The following KSR1 variants were observed in gnomAD, a reference collection of about 807,000 sequenced individuals.
KSR1 encodes the protein kinase suppressor of ras 1.
KSR1 carries 35 observed loss-of-function variants against 92.9 expected under a neutral mutation model. The ratio of observed to expected loss-of-function variants is 0.38; its 90% CI spans 0.29 to 0.50. KSR1 has a LOEUF of 0.50. KSR1 is among the 20% of genes least tolerant of loss of function. KSR1 has a pLI of 0.94. For synonymous variants in KSR1, 467 were observed against 472.6 expected, an observed-to-expected ratio of 0.99 and a Z score of 0.15; for missense variants, 972 against 1,158.5, an observed-to-expected ratio of 0.84 and a Z score of 2.34.
intron 2 of KSR1, among the ~76,000 whole-genome samples, chr17:27,572,605 G>A (rs1314397890): frequency 1.3e-5 from 2 of 152,252 alleles, no homozygotes; most frequent in Non-Finnish European, 2.9e-5. Flanking sequence ...GGGCACTGGA[G>A]CCTCTCAGAC....
intron 1 of KSR1, among the ~76,000 whole-genome samples, chr17:27,541,640 G>A (rs752212265): frequency 1.3e-5 from 2 of 152,240 alleles, no homozygotes. Context: ...AGCTTAGGGT[G>A]TGGGTTGCAG....
At position 27,577,433 on chromosome 17, in the gene KSR1, G is replaced by A. The variant is rs2072553166; in HGVS notation, c.373-59G>A. On this transcript the variant is annotated intron_variant, in intron 2 of 20. Coordinates refer to ENST00000644974, the MANE Select transcript of KSR1 (RefSeq NM_001394583.1). The surrounding 1 kb of genome is among the most constrained non-coding windows in gnomAD (Gnocchi z 4.5). ...CAGCAGGAGGCCAGCCTGAGGCTGAGGGGCTCCCGGCCCAGCCGACTGCTC... is the reference window on the plus strand; with the variant it reads ...CAGCAGGAGGCCAGCCTGAGGCTGAAGGGCTCCCGGCCCAGCCGACTGCTC... 2 of 1,117,798 alleles carry A rather than the reference G, an allele frequency of 1.8e-6. No individual in the cohort carries two copies. The highest frequency in any genetic ancestry group is 4.2e-5 in the Admixed American group (2 of 47,316). The allele number at this position is 1,117,798 out of a possible 1,614,324, so 69.2% of individuals were successfully genotyped here. A position where few individuals can be genotyped will look rare whatever the true frequency, so the allele number is the denominator to read the frequency against.
chr17:27,473,275 A>G (rs1024875299), intron 1 of KSR1, among the ~76,000 whole-genome samples: 2 of 152,238 alleles, frequency 1.3e-5, no homozygotes, highest in African/African-American at 4.8e-5. Flanking sequence ...TGTTCAGGGC[A>G]GAAAGAGATA....
chr17:27,494,298 G>A (rs542673182), intron 1 of KSR1, among the ~76,000 whole-genome samples: 227 of 152,118 alleles, frequency 1.5e-3, no homozygotes, highest in Middle Eastern at 3.4e-3. Context: ...CTGGAGAGGC[G>A]GGCAAGCACC....
rs753381354 is a variant in KSR1 at position 27,592,513 on chromosome 17, C to T, written c.1193-7C>T. 3 of 1,613,838 alleles carry T rather than the reference C, an allele frequency of 1.9e-6. No individual in the cohort carries two copies. The South Asian group carries it at 3.3e-5, about 18-fold the overall frequency. On this transcript the variant is annotated splice_region_variant and splice_polypyrimidine_tract_variant and intron_variant, in intron 8 of 20. Coordinates refer to ENST00000644974, the MANE Select transcript of KSR1 (RefSeq NM_001394583.1). Reference sequence around the variant, plus strand: ...CCTGGTGATGGGTTTTCCCTCTTTTCAAACAGTAACTCGGCTTCGGAGGAC... The same window carrying T: ...CCTGGTGATGGGTTTTCCCTCTTTTTAAACAGTAACTCGGCTTCGGAGGAC...
At chr17:27,481,790 T>G (rs1245170190) in intron 1 of KSR1, among the ~76,000 whole-genome samples, 1 of 152,188 alleles carries the variant, frequency 6.6e-6, no homozygotes. Context: ...TACTCCAATA[T>G]GTAGTTTTTC....
At chr17:27,507,903 A>G (rs2069454215) in intron 1 of KSR1, among the ~76,000 whole-genome samples, 2 of 152,118 alleles carry the variant, frequency 1.3e-5, no homozygotes, top group African/African-American at 4.8e-5. Context: ...TGGCTACTAG[A>G]ACATACCAAG....
At chr17:27,511,993 A>G (rs1240307756) in intron 1 of KSR1, among the ~76,000 whole-genome samples, 1 of 152,206 alleles carries the variant, frequency 6.6e-6, no homozygotes, top group Non-Finnish European at 1.5e-5. Flanking sequence ...GCTTTGTGCA[A>G]TTGATAGTAG....
chr17:27,493,770 T>C (rs886704053), intron 1 of KSR1, among the ~76,000 whole-genome samples: 1 of 152,106 alleles, frequency 6.6e-6, no homozygotes, highest in African/African-American at 2.4e-5. Context: ...GAAAAGGAAA[T>C]AATGGGGTCG....
At chr17:27,564,758 A>G (rs946040473) in intron 2 of KSR1, among the ~76,000 whole-genome samples, 1 of 53,410 alleles carries the variant, frequency 1.9e-5, no homozygotes, top group Non-Finnish European at 3.7e-5. Flanking sequence ...CACCTCCCCC[A>G]CCCACAGTAG....
chr17:27,486,133 G>T (rs954506810), intron 1 of KSR1, among the ~76,000 whole-genome samples: 4 of 152,226 alleles, frequency 2.6e-5, no homozygotes, highest in African/African-American at 9.7e-5. Flanking sequence ...AAGCAGGCAT[G>T]GTGGATTTTT....
chr17:27,611,986 T>C (rs1045689549), intron 18 of KSR1, among the ~76,000 whole-genome samples: 4 of 152,138 alleles, frequency 2.6e-5, no homozygotes, highest in African/African-American at 9.7e-5. Flanking sequence ...CTGCTGAAAA[T>C]ACAAATAGTT....
chr17:27,607,986 G>A lies in KSR1; in HGVS notation c.2067G>A (p.Arg689=). Residue 689 remains arginine (R), a synonymous_variant, in exon 15 of 21, where the codon AGG becomes AGA. Transcript: ENST00000644974. ...PKTSLDINKT[R]QIAQEIIKGM... Reference sequence around the variant, plus strand: ...CGTCTCTGGACATCAACAAGACGAGGCAAATCGCTCAGGAGATCATCAAGG... The same window carrying A: ...CGTCTCTGGACATCAACAAGACGAGACAAATCGCTCAGGAGATCATCAAGG... 1.2e-6 allele frequency: 2 copies of A among 1,609,354 alleles called. No individual in the cohort carries two copies. Among genetic ancestry groups the A allele is most frequent in the South Asian group, 1.1e-5 (1 of 89,970 alleles).
intron 9 of KSR1, among the ~76,000 whole-genome samples, chr17:27,594,855 A>G (rs979268496): frequency 6.6e-6 from 1 of 151,958 alleles, no homozygotes; most frequent in Non-Finnish European, 1.5e-5. Context: ...GGAAACCAGC[A>G]TATTGATTGT....
intron 2 of KSR1, among the ~76,000 whole-genome samples, chr17:27,571,753 C>T (rs1598052454): frequency 6.6e-6 from 1 of 152,242 alleles, no homozygotes; most frequent in Non-Finnish European, 1.5e-5. Context: ...TTCCTTCAAC[C>T]CAGCTTTCAC....
At chr17:27,592,673 C>T (rs1307709485) in intron 9 of KSR1, 47 bp downstream of exon 9, 7 of 1,511,366 alleles carry the variant, frequency 4.6e-6, no homozygotes, top group Non-Finnish European at 6.3e-6. Context: ...CACTGGCCTT[C>T]CTTCCTATAA....
At chr17:27,523,091 T>C (rs1452650671) in intron 1 of KSR1, among the ~76,000 whole-genome samples, 1 of 152,178 alleles carries the variant, frequency 6.6e-6, no homozygotes, top group African/African-American at 2.4e-5. Flanking sequence ...AAGTTAGGGA[T>C]ACACATACCC....
chr17:27,489,961 T>C (rs935933654), intron 1 of KSR1, among the ~76,000 whole-genome samples: 1 of 152,212 alleles, frequency 6.6e-6, no homozygotes, highest in African/African-American at 2.4e-5. Context: ...TACAATTGGT[T>C]CAAAGAGGCC....
At chr17:27,578,200 G>A (rs141230244) in intron 3 of KSR1, 1 of 169,698 alleles carries the variant, frequency 5.9e-6, no homozygotes, top group African/African-American at 2.4e-5. Flanking sequence ...AGCTTCAAAT[G>A]CCTGACTTAA....
Sources: gnomAD v4.1 joint callset for allele counts (sites outside exome capture counted in the v4.1 genomes callset) on GRCh38, gnomAD v4.1.1 for gene constraint, Gnocchi (gnomAD v3.1) non-coding constraint, MANE v1.5 for transcripts, NCBI Gene and HGNC (gene_info 2026-07-23, HGNC 2026-07-21) for gene names.